The following RIC1 variants were observed in gnomAD, a reference collection of about 807,000 sequenced individuals.
RIC1 encodes the protein guanine nucleotide exchange factor subunit RIC1.
Under a neutral mutation model 169.0 loss-of-function variants are expected in RIC1, and 88 were observed. The observed-to-expected ratio is 0.52, with a 90% CI of 0.44 to 0.62. RIC1 has a LOEUF of 0.62. RIC1 is among the 20% of genes least tolerant of loss of function. The pLI is 0.00. For missense variants in RIC1, 1,877 were observed against 1,725.5 expected (o/e 1.09, Z -1.56); for synonymous variants, 790 against 601.5 (o/e 1.31, Z -4.59).
At chr9:5,736,698 A>C (rs995601871) in intron 7 of RIC1, among the ~76,000 whole-genome samples, 1 of 152,240 alleles carries the variant, frequency 6.6e-6, no homozygotes, top group Non-Finnish European at 1.5e-5. Context: ...TCTAGAGGTG[A>C]AAACTATGAT....
At chr9:5,730,220 T>A (rs1587049559) in intron 6 of RIC1, among the ~76,000 whole-genome samples, 1 of 152,178 alleles carries the variant, frequency 6.6e-6, no homozygotes, top group African/African-American at 2.4e-5. Context: ...TAGGACTAGA[T>A]TATTAGGACA....
chr9:5,727,992 G>A (rs1241515463), intron 6 of RIC1, among the ~76,000 whole-genome samples: 1 of 152,232 alleles, frequency 6.6e-6, no homozygotes, highest in African/African-American at 2.4e-5. Flanking sequence ...TTATGGGTCA[G>A]GGACCCACTT....
chr9:5,684,964 A>C (rs973327802), intron 2 of RIC1, among the ~76,000 whole-genome samples: 2 of 151,750 alleles, frequency 1.3e-5, no homozygotes, highest in Non-Finnish European at 2.9e-5. Flanking sequence ...GGTAAATTAC[A>C]TGTATTTAAT....
intron 10 of RIC1, 100 bp from the exon 11 acceptor site, chr9:5,745,831 C>G: frequency 5.3e-6 from 5 of 948,548 alleles, no homozygotes; most frequent in Non-Finnish European, 7.9e-6. Flanking sequence ...ATTAATAATG[C>G]TATCATTGGC....
intron 13 of RIC1, 45 bp from the exon 14 acceptor site, chr9:5,753,491 T>C (rs770254505): frequency 1.5e-5 from 18 of 1,184,176 alleles, no homozygotes; most frequent in Non-Finnish European, 2.1e-5. Context: ...CCTAATAAAG[T>C]ATATAGGTTT....
chr9:5,729,767 G>T (rs531123459), intron 6 of RIC1, among the ~76,000 whole-genome samples: 1 of 151,548 alleles, frequency 6.6e-6, no homozygotes, highest in African/African-American at 2.4e-5. Flanking sequence ...AGATAGTAAG[G>T]TACTAAATAA....
At chr9:5,671,496 T>A in intron 2 of RIC1, among the ~76,000 whole-genome samples, 1 of 144,066 alleles carries the variant, frequency 6.9e-6, no homozygotes, top group Non-Finnish European at 1.5e-5. Flanking sequence ...GGCTGGTCTC[T>A]AACTCCTGAC....
At chr9:5,714,584 T>C (rs1823123396) in intron 4 of RIC1, among the ~76,000 whole-genome samples, 1 of 152,192 alleles carries the variant, frequency 6.6e-6, no homozygotes, top group East Asian at 1.9e-4. Context: ...TCTTTTCCAT[T>C]GTGTAGATAT....
chr9:5,647,199 T>C (rs962117751), intron 1 of RIC1, among the ~76,000 whole-genome samples: 1 of 152,186 alleles, frequency 6.6e-6, no homozygotes, highest in African/African-American at 2.4e-5. Flanking sequence ...AGTACGACAG[T>C]ATTTTGATTG....
intron 1 of RIC1, among the ~76,000 whole-genome samples, chr9:5,642,898 T>C (rs1818320720): frequency 2.0e-5 from 3 of 152,242 alleles, no homozygotes; most frequent in Admixed American, 2.0e-4. Context: ...ATTGTAACTT[T>C]TAAACTTGAA....
intron 2 of RIC1, among the ~76,000 whole-genome samples, chr9:5,666,373 C>G (rs1356558318): frequency 1.3e-5 from 2 of 151,828 alleles, no homozygotes; most frequent in Admixed American, 6.6e-5. Context: ...ATTTGGATGC[C>G]TTTATCTCGT....
At chr9:5,749,386 T>A (rs991144073) in intron 12 of RIC1, among the ~76,000 whole-genome samples, 11 of 152,276 alleles carry the variant, frequency 7.2e-5, no homozygotes, top group Admixed American at 5.2e-4. Flanking sequence ...AATGCTAAAC[T>A]TTTACGTTCT....
At chr9:5,654,104 A>G (rs7865931) in intron 1 of RIC1, among the ~76,000 whole-genome samples, 3,303 of 151,632 alleles carry the variant, frequency 0.022, 122 homozygotes, top group African/African-American at 0.075. Flanking sequence ...GGCTCGAGCA[A>G]TCTCCCACTT....
chr9:5,745,946 G>C lies in RIC1; in HGVS notation c.1111G>C (p.Gly371Arg). 1 of 1,613,198 alleles carries C rather than the reference G, an allele frequency of 6.2e-7. No homozygotes were observed. Among genetic ancestry groups the C allele is most frequent in the Non-Finnish European group, 8.5e-7 (1 of 1,179,388 alleles). Residue 371 changes from glycine to arginine, a missense_variant, in exon 11 of 26, where the codon GGC becomes CGC. By Grantham distance (125) the Gly-to-Arg change is moderately radical. This residue lies in a region of RIC1 where 1,104 missense variants were observed against 992.0 expected (regional missense o/e 1.11). Coordinates refer to ENST00000414202, the MANE Select transcript of RIC1 (RefSeq NM_020829.4). ...TCTCTCTAAGAGCTGGGGTGCAGAAGGCTATCACCTATGGGTAATCAGCGG... is the reference window on the plus strand; with the variant it reads ...TCTCTCTAAGAGCTGGGGTGCAGAACGCTATCACCTATGGGTAATCAGCGG... ...KINSMSWGAE[G>R]YHLWVISGFG...
intron 3 of RIC1, among the ~76,000 whole-genome samples, chr9:5,691,625 ATTT>A (rs1295280373): frequency 6.6e-6 from 1 of 151,890 alleles, no homozygotes; most frequent in African/African-American, 2.4e-5. Flanking sequence ...TGAAAAAAGA[ATTT>A]TTTTGCATTC....
At chr9:5,703,574 A>G (rs769165572) in intron 3 of RIC1, among the ~76,000 whole-genome samples, 7 of 152,218 alleles carry the variant, frequency 4.6e-5, no homozygotes, top group Non-Finnish European at 1.0e-4. Flanking sequence ...TAAATATAAT[A>G]CAGCATGTAC....
At chr9:5,636,096 C>G (rs1177987248) in intron 1 of RIC1, among the ~76,000 whole-genome samples, 1 of 152,106 alleles carries the variant, frequency 6.6e-6, no homozygotes, top group African/African-American at 2.4e-5. Flanking sequence ...GTGAAAATAT[C>G]ATTGAAATTC....
intron 2 of RIC1, among the ~76,000 whole-genome samples, chr9:5,661,341 T>G (rs757651074): frequency 6.6e-6 from 1 of 152,232 alleles, no homozygotes; most frequent in Non-Finnish European, 1.5e-5. Flanking sequence ...CATATGAATT[T>G]TAAAATAGCT....
At position 5,774,900 on chromosome 9, in the gene RIC1, G is replaced by A. The variant is rs1827494694; in HGVS notation, c.*654G>A. ...AGACCAATGTGGGCAGAGGTCTGAG[G>A]GGGTTCTTCTCAATTTTGCTGTTAG... On this transcript the variant is annotated 3_prime_UTR_variant, in exon 26 of 26. Transcript: ENST00000414202. 1 of 152,164 alleles carries A rather than the reference G, an allele frequency of 6.6e-6. No individual in the cohort carries two copies. Among genetic ancestry groups the A allele is most frequent in the Admixed American group, 6.5e-5 (1 of 15,272 alleles). 9.4% of individuals were successfully genotyped at this position (152,164 alleles called of 1,614,324 possible).
Sources: gnomAD v4.1 joint callset for allele counts (sites outside exome capture counted in the v4.1 genomes callset) on GRCh38, gnomAD v4.1.1 for gene constraint, gnomAD v4.1.1 regional missense constraint, MANE v1.5 for transcripts, NCBI Gene and HGNC (gene_info 2026-07-23, HGNC 2026-07-21) for gene names.